Variants in SYNE3 observed in about 807,000 individuals in gnomAD.
SYNE3 encodes spectrin repeat containing nuclear envelope family member 3.
SYNE3 carries 100 observed loss-of-function variants against 111.2 expected under a neutral mutation model. That is an observed-to-expected ratio of 0.90 (90% CI 0.77 to 1.06). SYNE3 has a LOEUF of 1.06. SYNE3 is among the 50% of genes least tolerant of loss of function. The pLI is 0.00. For synonymous variants in SYNE3, 547 were observed against 533.9 expected, an observed-to-expected ratio of 1.02 and a Z score of -0.34; for missense variants, 1,160 against 1,240.3, an observed-to-expected ratio of 0.94 and a Z score of 0.97.
chr14:95,450,110 A>G lies in SYNE3; in HGVS notation c.1275-5T>C. 6.4e-7 allele frequency: 1 copy of G among 1,572,612 alleles called. No individual in the cohort carries two copies. Among genetic ancestry groups the G allele is most frequent in the South Asian group, 1.2e-5 (1 of 85,628 alleles). The stretch of plus-strand genomic sequence containing the variant: ...CTCGCGCTCTTCACCTTCAGGCTGC[A>G]AGGAGCGTGGAGGGAGAAAATGAGG... On this transcript the variant is annotated splice_polypyrimidine_tract_variant and splice_region_variant and intron_variant, in intron 7 of 17. Transcript: ENST00000682763.
In SYNE3 at chr14:95,416,433, C is replaced by T. The variant is rs1275584038; in HGVS notation, c.*1393G>A. On this transcript the variant is annotated 3_prime_UTR_variant, in exon 18 of 18. Transcript: ENST00000682763. Reference sequence around the variant, plus strand: ...ATTTGTAGAGAGTGGGCATTAAGTACTTTTTTAAAGGGGAAAATTTAGTGT... The same window carrying T: ...ATTTGTAGAGAGTGGGCATTAAGTATTTTTTTAAAGGGGAAAATTTAGTGT... The T allele has an allele frequency of 6.6e-6, 1 of 152,182 alleles. No individual in the cohort carries two copies. The allele number at this position is 152,182 out of a possible 1,614,324, so 9.4% of individuals were successfully genotyped here. A position where few individuals can be genotyped will look rare whatever the true frequency, so the allele number is the denominator to read the frequency against.
chr14:95,477,037 A>G (rs557438350), intron 1 of SYNE3, among the ~76,000 whole-genome samples: 1 of 152,254 alleles, frequency 6.6e-6, no homozygotes, highest in Admixed American at 6.5e-5. Context: ...AAAATTATAT[A>G]TTAGGTAGTC....
chr14:95,490,140 T>C (rs1055053724), intron 1 of SYNE3, among the ~76,000 whole-genome samples: 5 of 152,236 alleles, frequency 3.3e-5, no homozygotes, highest in African/African-American at 7.2e-5. Context: ...GGGCTTTTTC[T>C]AACGGAATCA....
At chr14:95,511,558 T>C (rs1199322499) in intron 1 of SYNE3, among the ~76,000 whole-genome samples, 1 of 151,456 alleles carries the variant, frequency 6.6e-6, no homozygotes, top group African/African-American at 2.4e-5. Context: ...AAAATAATAA[T>C]AATAAAATTA....
intron 11 of SYNE3, among the ~76,000 whole-genome samples, chr14:95,440,845 T>C (rs1050356190): frequency 2.0e-5 from 3 of 152,214 alleles, no homozygotes; most frequent in Non-Finnish European, 4.4e-5. Context: ...TGTGTTTTAG[T>C]TGGGTGCTGG....
chr14:95,426,072 G>C (rs1214161876), intron 17 of SYNE3, among the ~76,000 whole-genome samples: 1 of 152,238 alleles, frequency 6.6e-6, no homozygotes, highest in Non-Finnish European at 1.5e-5. Context: ...TGGAAGGTGA[G>C]TGACAGAAAG....
rs1378493914 is a variant in SYNE3 at position 95,415,712 on chromosome 14, T to C, written c.*2114A>G. On this transcript the variant is annotated 3_prime_UTR_variant, in exon 18 of 18. Coordinates refer to ENST00000682763, the MANE Select transcript of SYNE3 (RefSeq NM_152592.6). ...AAAGCTATTCAAAAAAAAAAAAAAATGGCCAGGCATGGTGGCTCATGCCTG... is the reference window on the plus strand; with the variant it reads ...AAAGCTATTCAAAAAAAAAAAAAAACGGCCAGGCATGGTGGCTCATGCCTG... 1.5e-5 allele frequency: 2 copies of C among 134,856 alleles called. No individual in the cohort carries two copies. Among genetic ancestry groups the C allele is most frequent in the East Asian group, 2.1e-4 (1 of 4,690 alleles). The allele number at this position is 134,856 out of a possible 1,614,324, so 8.4% of individuals were successfully genotyped here. A position where few individuals can be genotyped will look rare whatever the true frequency, so the allele number is the denominator to read the frequency against.
intron 1 of SYNE3, among the ~76,000 whole-genome samples, chr14:95,503,744 G>A (rs1890428211): frequency 1.3e-5 from 2 of 148,224 alleles, no homozygotes; most frequent in African/African-American, 2.5e-5. Flanking sequence ...TCCACCTATC[G>A]AGTAGCTGAG....
intron 1 of SYNE3, among the ~76,000 whole-genome samples, chr14:95,489,246 C>G (rs1027977812): frequency 6.6e-6 from 1 of 152,198 alleles, no homozygotes; most frequent in East Asian, 1.9e-4. Flanking sequence ...TTTCTGAGCT[C>G]CCCAGCAGCA....
chr14:95,453,243 C>T (rs888436460), intron 6 of SYNE3, among the ~76,000 whole-genome samples: 7 of 152,162 alleles, frequency 4.6e-5, no homozygotes, highest in African/African-American at 1.7e-4. Context: ...AGCAGGGATG[C>T]ATTAGTCCCT....
chr14:95,425,107 G>A (rs949890210), intron 17 of SYNE3, among the ~76,000 whole-genome samples: 4 of 152,166 alleles, frequency 2.6e-5, no homozygotes, highest in African/African-American at 9.7e-5. Context: ...TTAGCCTGGT[G>A]TGATGGTGGG....
intron 1 of SYNE3, among the ~76,000 whole-genome samples, chr14:95,501,439 C>G (rs976219207): frequency 5.3e-5 from 8 of 152,170 alleles, no homozygotes; most frequent in Admixed American, 5.2e-4. Flanking sequence ...GTGTTCAGCT[C>G]TATTCATTCT....
intron 1 of SYNE3, among the ~76,000 whole-genome samples, chr14:95,479,224 CAAA>C (rs71132351): frequency 0.012 from 1,011 of 86,232 alleles, 19 homozygotes; most frequent in African/African-American, 0.043. Flanking sequence ...TCGTCTCTAC[CAAA>C]AAAAAAAAAA....
intron 17 of SYNE3, among the ~76,000 whole-genome samples, chr14:95,420,312 C>T (rs772349613): frequency 6.6e-6 from 1 of 152,090 alleles, no homozygotes; most frequent in Admixed American, 6.5e-5. Flanking sequence ...ACCCATGAGA[C>T]CCACCCAGGG....
intron 10 of SYNE3, 22 bp from the exon 11 acceptor site, chr14:95,443,311 G>A (rs370933454): frequency 6.2e-7 from 1 of 1,613,876 alleles, no homozygotes. Context: ...AAGGGAACAG[G>A]TAGGCTAATC....
At chr14:95,484,622 G>T (rs573693598) in intron 1 of SYNE3, among the ~76,000 whole-genome samples, 1 of 152,372 alleles carries the variant, frequency 6.6e-6, no homozygotes, top group East Asian at 1.9e-4. Flanking sequence ...ATGCAGCGGG[G>T]TTGGTACTGG....
intron 4 of SYNE3, among the ~76,000 whole-genome samples, chr14:95,459,693 A>G (rs1887672104): frequency 6.6e-6 from 1 of 152,212 alleles, no homozygotes; most frequent in Non-Finnish European, 1.5e-5. Flanking sequence ...GAATCTAGAA[A>G]TATGAATTCA....
chr14:95,425,185 G>T (rs549560932), intron 17 of SYNE3, among the ~76,000 whole-genome samples: 1 of 151,870 alleles, frequency 6.6e-6, no homozygotes, highest in African/African-American at 2.4e-5. Context: ...GATGGAGGTT[G>T]CAGTGAGCAG....
At chr14:95,492,228 T>C (rs1175728636) in intron 1 of SYNE3, among the ~76,000 whole-genome samples, 1 of 152,196 alleles carries the variant, frequency 6.6e-6, no homozygotes, top group Non-Finnish European at 1.5e-5. Context: ...GTTCTTCAAA[T>C]ATTAAACATA....
Sources: allele counts gnomAD v4.1 joint callset (sites outside exome capture counted in the v4.1 genomes callset), GRCh38; gene constraint gnomAD v4.1.1; transcripts MANE v1.5; gene names NCBI Gene and HGNC (gene_info 2026-07-23, HGNC 2026-07-21).